Variants in SON observed in about 807,000 individuals in gnomAD.
SON encodes the protein protein SON.
SON carries 4 observed loss-of-function variants against 173.3 expected under a neutral mutation model. That is an observed-to-expected ratio of 0.02 (90% CI 0.01 to 0.05). The LOEUF (loss-of-function observed/expected upper bound fraction) is 0.05. Ranked by LOEUF, SON falls within the 10% of genes least tolerant of loss-of-function variation. The pLI is 1.00. For synonymous variants in SON, 1,190 were observed against 1,105.9 expected (o/e 1.08, Z -1.51); for missense variants, 2,626 against 3,055.3 (o/e 0.86, Z 3.31).
Position 33,554,761 on chromosome 21 carries a change from C to G in SON, c.5530C>G (p.Arg1844Gly), listed in dbSNP as rs375731433. ...ATCACGCAAGCGTACCAGTGAATCT[C>G]GTTCTAGGGCAAGAAAGAGATCATC... ...HKSRKRTSES[R>G]SRARKRSSKS... Residue 1844 changes from arginine (R) to glycine (G), a missense_variant, in exon 3 of 12, where the codon CGT becomes GGT. This residue lies in a region of SON where 1,006 missense variants were observed against 895.6 expected (regional missense o/e 1.12). Coordinates refer to ENST00000356577, the MANE Select transcript of SON (RefSeq NM_138927.4). The G allele has an allele frequency of 1.2e-6, 2 of 1,613,754 alleles. No individual in the cohort carries two copies. The highest frequency in any genetic ancestry group is 1.7e-6 in the Non-Finnish European group (2 of 1,180,046).
At chr21:33,545,902 C>T (rs2085603152) in intron 1 of SON, among the ~76,000 whole-genome samples, 1 of 152,048 alleles carries the variant, frequency 6.6e-6, no homozygotes, top group Non-Finnish European at 1.5e-5. Context: ...ATTTTTCTCC[C>T]CTGAAAGAAA....
intron 2 of SON, among the ~76,000 whole-genome samples, chr21:33,547,462 A>G (rs2085645989): frequency 1.3e-5 from 2 of 152,084 alleles, no homozygotes; most frequent in Non-Finnish European, 2.9e-5. Context: ...AATAACAGTC[A>G]TTACCTTGAT....
intron 8 of SON, among the ~76,000 whole-genome samples, chr21:33,571,566 T>C (rs1460938961): frequency 6.6e-6 from 1 of 152,226 alleles, no homozygotes; most frequent in East Asian, 1.9e-4. Flanking sequence ...ATTTTATTTC[T>C]AGAATGGAAT....
At chr21:33,547,933 C>G (rs2085662171) in intron 2 of SON, among the ~76,000 whole-genome samples, 1 of 151,310 alleles carries the variant, frequency 6.6e-6, no homozygotes, top group Admixed American at 6.6e-5. Context: ...CCGTGTTAGC[C>G]AGGATGGTCT....
chr21:33,564,983 A>G (rs1230223152), intron 6 of SON, among the ~76,000 whole-genome samples: 1 of 152,136 alleles, frequency 6.6e-6, no homozygotes, highest in African/African-American at 2.4e-5. Context: ...TTACTACCTC[A>G]GGAAAAACAT....
At position 33,553,590 on chromosome 21, in the gene SON, A is replaced by C. The variant is rs1464340749; in HGVS notation, c.4359A>C (p.Thr1453=). 4.3e-6 allele frequency: 7 copies of C among 1,614,154 alleles called. No homozygotes were observed. In the South Asian group the frequency reaches 6.6e-5, roughly 15 times the overall value. Residue 1453 remains threonine (T), a synonymous_variant, in exon 3 of 12, where the codon ACA becomes ACC. Coordinates refer to ENST00000356577, the MANE Select transcript of SON (RefSeq NM_138927.4). The part of the protein sequence containing the change: ...STVTVSEPAV[T]VSEQTQVIPT... Reference sequence around the variant, plus strand: ...TGACAGTTTCAGAGCCTGCTGTCACAGTCTCAGAGCAGACTCAAGTAATAC... The same window carrying C: ...TGACAGTTTCAGAGCCTGCTGTCACCGTCTCAGAGCAGACTCAAGTAATAC...
rs776815379 is a variant in SON, at chr21:33,550,358, CGGT to C, written c.1130_1132del (p.Val377del). On this transcript the variant is annotated inframe_deletion, in exon 3 of 12. Transcript: ENST00000356577. Reference sequence around the variant, plus strand: ...ACAGCGTTGGAGCTGCAGGAGTCGTCGGTGGCCTCAGCGATGGAGTTGCCGGGG... The same window carrying C: ...ACAGCGTTGGAGCTGCAGGAGTCGTCGGCCTCAGCGATGGAGTTGCCGGGG... The C allele has an allele frequency of 6.2e-7, 1 of 1,614,126 alleles. No individual in the cohort carries two copies. Among genetic ancestry groups the C allele is most frequent in the Non-Finnish European group, 8.5e-7 (1 of 1,180,040 alleles).
chr21:33,548,682 G>T (rs1463135924), intron 2 of SON, among the ~76,000 whole-genome samples: 1 of 152,200 alleles, frequency 6.6e-6, no homozygotes, highest in Non-Finnish European at 1.5e-5. Flanking sequence ...AGTAAGTGAT[G>T]AACTGATTGA....
intron 2 of SON, 70 bp from the exon 3 acceptor site, chr21:33,549,406 T>C (rs1327681991): frequency 1.8e-5 from 24 of 1,309,588 alleles, no homozygotes; most frequent in South Asian, 7.8e-5. Context: ...AATGTAAATA[T>C]GGGTTTATAT....
chr21:33,545,626 T>G (rs1390811582), intron 1 of SON, among the ~76,000 whole-genome samples: 3 of 152,264 alleles, frequency 2.0e-5, no homozygotes. Context: ...GTGAGTTTTA[T>G]AAACCAGAGT....
intron 6 of SON, among the ~76,000 whole-genome samples, chr21:33,565,938 A>G (rs1230171397): frequency 6.6e-6 from 1 of 152,194 alleles, no homozygotes. Flanking sequence ...GAAGGTAAGA[A>G]AGATTTGTGA....
Position 33,559,208 on chromosome 21 carries a change from T to A in SON, c.6322-22T>A. The stretch of plus-strand genomic sequence containing the variant: ...CTACATAAAGCGTAAGATTTATCTT[T>A]TGTTTGTTTTTACTTTTAAAGAAAT... On this transcript the variant is annotated intron_variant, in intron 4 of 11. Transcript: ENST00000356577. The surrounding 1 kb of genome is among the most constrained non-coding windows in gnomAD (Gnocchi z 4.1). 1 of 1,514,606 alleles carries A rather than the reference T, an allele frequency of 6.6e-7. No homozygotes were observed. 93.8% of individuals were successfully genotyped at this position (1,514,606 alleles called of 1,614,324 possible). A position where few individuals can be genotyped will look rare whatever the true frequency, so the allele number is the denominator to read the frequency against.
rs948701702 is a variant in SON, at chr21:33,576,507, A to G, written c.*83A>G. ...CCACAGCAGCTACTGTGGTTCTTCAAGCAATGGGCCTTGTACCAAAGGACC... is the reference window on the plus strand; with the variant it reads ...CCACAGCAGCTACTGTGGTTCTTCAGGCAATGGGCCTTGTACCAAAGGACC... On this transcript the variant is annotated 3_prime_UTR_variant, in exon 12 of 12. Transcript: ENST00000356577. 4 of 875,072 alleles carry G rather than the reference A, an allele frequency of 4.6e-6. No individual in the cohort carries two copies. The highest frequency in any genetic ancestry group is 1.3e-5 in the South Asian group (1 of 76,340). 54.2% of individuals were successfully genotyped at this position (875,072 alleles called of 1,614,324 possible). A position where few individuals can be genotyped will look rare whatever the true frequency, so the allele number is the denominator to read the frequency against.
Position 33,552,004 on chromosome 21 carries a change from C to G in SON, c.2773C>G (p.Gln925Glu), listed in dbSNP as rs755362219. The G allele has an allele frequency of 1.9e-6, 3 of 1,614,084 alleles. No individual in the cohort carries two copies. The highest frequency in any genetic ancestry group is 2.2e-5 in the East Asian group (1 of 44,882). ...RLAQDPYRLA[Q>E]DPYRLGHDPY... ...AGCTCAGGATCCTTACAGGTTAGCTCAGGATCCCTATAGGTTGGGCCATGA... is the reference window on the plus strand; with the variant it reads ...AGCTCAGGATCCTTACAGGTTAGCTGAGGATCCCTATAGGTTGGGCCATGA... The change falls in exon 3 of 12, where the codon CAG becomes GAG. Residue 925 changes from glutamine (Q) to glutamate (E), a missense_variant. Around this residue, in one of 13 missense-constraint regions of SON, gnomAD observed 366 missense variants for 448.6 expected, o/e 0.82. Coordinates refer to ENST00000356577, the MANE Select transcript of SON (RefSeq NM_138927.4). This position sits in a 1 kb window ranked among gnomAD's most constrained non-coding sequence, Gnocchi z 5.6.
chr21:33,543,468 G>T, intron 1 of SON: 2 of 424,552 alleles, frequency 4.7e-6, no homozygotes, highest in Non-Finnish European at 4.3e-6. Flanking sequence ...CTACTCGTAG[G>T]CCCGGTTGTC....
At chr21:33,543,443 C>G (rs374944556) in intron 1 of SON, 1 of 477,106 alleles carries the variant, frequency 2.1e-6, no homozygotes, top group African/African-American at 2.0e-5. Flanking sequence ...TGTTTGGGTC[C>G]CCCCTGCCGT....
chr21:33,570,165 TC>T (rs763665883), intron 8 of SON: 1 of 152,320 alleles, frequency 6.6e-6, no homozygotes, highest in Non-Finnish European at 1.5e-5. Flanking sequence ...GGTTTCTTTA[TC>T]CTGTTGTACT....
At position 33,559,818 on chromosome 21, in the gene SON, G is replaced by C; in HGVS notation, c.6657+43G>C. 2.5e-6 allele frequency: 4 copies of C among 1,605,716 alleles called. No homozygotes were observed. The highest frequency in any genetic ancestry group is 3.4e-6 in the Non-Finnish European group (4 of 1,174,558). ...TATGTATTTTTCCTTTTTTATACCTGAATCTGCCATTTCATTGTTATGTTA... is the reference window on the plus strand; with the variant it reads ...TATGTATTTTTCCTTTTTTATACCTCAATCTGCCATTTCATTGTTATGTTA... On this transcript the variant is annotated intron_variant, in intron 6 of 11. Coordinates refer to ENST00000356577, the MANE Select transcript of SON (RefSeq NM_138927.4). This position sits in a 1 kb window ranked among gnomAD's most constrained non-coding sequence, Gnocchi z 4.1.
rs1232024945 is a variant in SON, at chr21:33,550,332, C to A, written c.1101C>A (p.Thr367=). ...AGGAGTTGCCGGAGCTGCCTAAGAC[C>A]ACAGCGTTGGAGCTGCAGGAGTCGT... is the stretch of plus-strand genomic sequence containing the variant. ...RPQELPELPK[T]TALELQESSV... Residue 367 remains threonine, a synonymous_variant, in exon 3 of 12, where the codon ACC becomes ACA. Coordinates refer to ENST00000356577, the MANE Select transcript of SON (RefSeq NM_138927.4). 5 of 1,613,826 alleles carry A rather than the reference C, an allele frequency of 3.1e-6. No homozygotes were observed. The highest frequency in any genetic ancestry group is 1.3e-5 in the African/African-American group (1 of 74,856).
Sources: allele counts gnomAD v4.1 joint callset (sites outside exome capture counted in the v4.1 genomes callset), GRCh38; gene constraint gnomAD v4.1.1; regional missense constraint gnomAD v4.1.1; non-coding constraint Gnocchi (gnomAD v3.1); transcripts MANE v1.5; gene names NCBI Gene and HGNC (gene_info 2026-07-23, HGNC 2026-07-21).